The following NINJ2 variants were observed in gnomAD, a reference collection of about 807,000 sequenced individuals.
The protein encoded by NINJ2 is ninjurin-2.
Under a neutral mutation model 11.7 loss-of-function variants are expected in NINJ2, and 12 were observed. The ratio of observed to expected loss-of-function variants is 1.02; its 90% CI spans 0.66 to 1.66. NINJ2 has a LOEUF of 1.66. Ranked by LOEUF, NINJ2 falls within the 40% of genes most tolerant of loss-of-function variation. NINJ2 has a pLI of 0.00. For missense variants in NINJ2, 187 were observed against 181.8 expected, an observed-to-expected ratio of 1.03 and a Z score of -0.16; for synonymous variants, 93 against 76.8, an observed-to-expected ratio of 1.21 and a Z score of -1.10.
rs1298990609 is a variant in NINJ2, at chr12:633,451, G to A, written c.33+29877C>T. ...GGAGGTGGACGCTGCAGTGAGCCGA[G>A]ATGGTGCCACTGCATTCCAGCCTGG... On this transcript the variant is annotated intron_variant, in intron 1 of 3. Transcript: ENST00000305108. This position sits in a 1 kb window ranked among gnomAD's most constrained non-coding sequence, Gnocchi z 4.3. Among the ~76,000 whole-genome samples, 3 of 152,046 alleles carry A rather than the reference G, an allele frequency of 2.0e-5. No individual in the cohort carries two copies. The highest frequency in any genetic ancestry group is 4.4e-5 in the Non-Finnish European group (3 of 68,012).
intron 1 of NINJ2, among the ~76,000 whole-genome samples, chr12:588,431 A>T (rs748147333): frequency 6.6e-6 from 1 of 152,226 alleles, no homozygotes; most frequent in Non-Finnish European, 1.5e-5. Context: ...TAATAATAGC[A>T]TATACACTTA....
intron 1 of NINJ2, among the ~76,000 whole-genome samples, chr12:572,117 G>A (rs531699081): frequency 3.9e-5 from 6 of 152,368 alleles, no homozygotes; most frequent in South Asian, 2.1e-4. Flanking sequence ...CTGCGAGGTC[G>A]AAGGGACTGG....
chr12:579,398 G>A (rs12230397), intron 1 of NINJ2, among the ~76,000 whole-genome samples: 6,396 of 151,572 alleles, frequency 0.042, 184 homozygotes, highest in Non-Finnish European at 0.063. Flanking sequence ...CTGCCTTCCC[G>A]AAGCCCCTGT....
At chr12:635,847 G>A (rs1024968541) in intron 1 of NINJ2, among the ~76,000 whole-genome samples, 2 of 152,270 alleles carry the variant, frequency 1.3e-5, no homozygotes, top group Admixed American at 1.3e-4. Context: ...GGCCGAGGCG[G>A]GCAGATCATC....
intron 1 of NINJ2, among the ~76,000 whole-genome samples, chr12:611,190 CTTTTCTTTCT>C (rs1248167246): frequency 6.6e-6 from 1 of 151,934 alleles, no homozygotes; most frequent in East Asian, 1.9e-4. Context: ...TTCTTTCCTC[CTTTTCTTTCT>C]TTTTCTTTCC....
chr12:620,213 T>C (rs969059859), intron 1 of NINJ2, among the ~76,000 whole-genome samples: 5 of 152,248 alleles, frequency 3.3e-5, no homozygotes, highest in South Asian at 2.1e-4. Flanking sequence ...CATCATGCCA[T>C]GGGCATCTCT....
In NINJ2 at chr12:581,063, G is replaced by A. The variant is rs901085696; in HGVS notation, c.34-14885C>T. ...TGTGTGTGTCTGTGTCTGTGTGTGC[G>A]TGTCTCTGTGCCTCTGTGTGTGTGT... On this transcript the variant is annotated intron_variant, in intron 1 of 3. Transcript: ENST00000305108. This position sits in a 1 kb window ranked among gnomAD's most constrained non-coding sequence, Gnocchi z 4.9. 7.3e-5 allele frequency among the ~76,000 whole-genome samples: 11 copies of A among 150,690 alleles called. No homozygotes were observed. Among genetic ancestry groups the A allele is most frequent in the Admixed American group, 1.3e-4 (2 of 15,116 alleles).
At chr12:630,653 A>G (rs868617206) in intron 1 of NINJ2, among the ~76,000 whole-genome samples, 46 of 152,326 alleles carry the variant, frequency 3.0e-4, no homozygotes, top group African/African-American at 1.1e-3. Flanking sequence ...CTGGGATCAC[A>G]GGCGTGAGCC....
intron 1 of NINJ2, among the ~76,000 whole-genome samples, chr12:577,664 A>G (rs1448549079): frequency 6.6e-6 from 1 of 151,724 alleles, no homozygotes; most frequent in Non-Finnish European, 1.5e-5. Flanking sequence ...GTGGTTCTCC[A>G]TGTGTGCTCC....
intron 1 of NINJ2, among the ~76,000 whole-genome samples, chr12:615,939 C>T (rs187765985): frequency 2.0e-3 from 309 of 152,332 alleles, no homozygotes; most frequent in Non-Finnish European, 2.7e-3. Flanking sequence ...AAGTGAGGCA[C>T]ACTCTCGGAG....
intron 1 of NINJ2, among the ~76,000 whole-genome samples, chr12:593,313 C>A (rs1332423402): frequency 6.6e-6 from 1 of 152,192 alleles, no homozygotes; most frequent in Non-Finnish European, 1.5e-5. Context: ...ACTCAGTCAA[C>A]TTTGAAACAG....
chr12:655,586 A>G (rs1160079745), intron 1 of NINJ2, among the ~76,000 whole-genome samples: 1 of 152,134 alleles, frequency 6.6e-6, no homozygotes, highest in African/African-American at 2.4e-5. Context: ...TATGAGGAAA[A>G]CTACAAAACT....
chr12:612,332 C>T (rs1333861181), intron 1 of NINJ2, among the ~76,000 whole-genome samples: 1 of 152,156 alleles, frequency 6.6e-6, no homozygotes. Flanking sequence ...CAGTCGCAAC[C>T]TCCCGTTCTC....
At chr12:612,661 G>A (rs551208188) in intron 1 of NINJ2, among the ~76,000 whole-genome samples, 6 of 152,270 alleles carry the variant, frequency 3.9e-5, no homozygotes, top group African/African-American at 1.4e-4. Context: ...TGATCTCCCT[G>A]TTGTGTGGTT....
intron 1 of NINJ2, chr12:610,463 A>G: frequency 6.5e-7 from 1 of 1,534,842 alleles, no homozygotes; most frequent in East Asian, 2.4e-5. Context: ...CTGGTGGCTG[A>G]GAGGAAAAGG....
intron 1 of NINJ2, among the ~76,000 whole-genome samples, chr12:603,553 G>A (rs980066714): frequency 6.6e-6 from 1 of 152,198 alleles, no homozygotes; most frequent in Non-Finnish European, 1.5e-5. Context: ...TTAAGTCTAT[G>A]ATCCATTTTG....
At chr12:578,272 A>T (rs1947498175) in intron 1 of NINJ2, among the ~76,000 whole-genome samples, 1 of 152,152 alleles carries the variant, frequency 6.6e-6, no homozygotes, top group South Asian at 2.1e-4. Context: ...GGAGATGTGA[A>T]TCTTGCCAAA....
At chr12:600,102 G>A (rs890372316) in intron 1 of NINJ2, among the ~76,000 whole-genome samples, 1 of 152,174 alleles carries the variant, frequency 6.6e-6, no homozygotes, top group Non-Finnish European at 1.5e-5. Context: ...GGGGGTCTTG[G>A]CTACTTCCAA....
chr12:635,485 T>A (rs577009943), intron 1 of NINJ2, among the ~76,000 whole-genome samples: 2 of 152,226 alleles, frequency 1.3e-5, no homozygotes, highest in Non-Finnish European at 2.9e-5. Context: ...GGGGAAAGGA[T>A]AATCTTTTCA....
Sources: allele counts gnomAD v4.1 joint callset (sites outside exome capture counted in the v4.1 genomes callset), GRCh38; gene constraint gnomAD v4.1.1; non-coding constraint Gnocchi (gnomAD v3.1); transcripts MANE v1.5; gene names NCBI Gene and HGNC (gene_info 2026-07-23, HGNC 2026-07-21).